The following CTNNA2 variants were observed in gnomAD, a reference collection of about 807,000 sequenced individuals.
The protein encoded by CTNNA2 is catenin alpha-2.
In CTNNA2, 42 loss-of-function variants were observed where a neutral mutation model predicts 101.0. That is an observed-to-expected ratio of 0.42 (90% confidence interval 0.32 to 0.54). The LOEUF (loss-of-function observed/expected upper bound fraction) is 0.54. Among genes scored for constraint, CTNNA2 ranks in the 20% least tolerant of loss-of-function variants. The pLI, the probability that CTNNA2 is intolerant of heterozygous loss-of-function variation, is 0.14. For synonymous variants in CTNNA2, 450 were observed against 456.4 expected, an observed-to-expected ratio of 0.99 and a Z score of 0.18; for missense variants, 871 against 1,223.1, an observed-to-expected ratio of 0.71 and a Z score of 4.29.
chr2:80,413,270 A>G (rs1679752535), intron 8 of CTNNA2, among the ~76,000 whole-genome samples: 1 of 152,196 alleles, frequency 6.6e-6, no homozygotes, highest in Admixed American at 6.5e-5. Flanking sequence ...ATGGGTAGGG[A>G]AAAGCACAGG....
intron 2 of CTNNA2, among the ~76,000 whole-genome samples, chr2:79,257,509 A>C (rs1674863535): frequency 6.6e-6 from 1 of 152,044 alleles, no homozygotes; most frequent in African/African-American, 2.4e-5. Flanking sequence ...AAAAAAAAAA[A>C]AAACTTCATA....
intron 7 of CTNNA2, among the ~76,000 whole-genome samples, chr2:79,954,882 A>G (rs962360959): frequency 3.9e-5 from 6 of 152,210 alleles, no homozygotes; most frequent in African/African-American, 1.4e-4. Context: ...TACTTGTGAT[A>G]TATTTTACCT....
intron 12 of CTNNA2, among the ~76,000 whole-genome samples, chr2:80,558,893 G>T (rs931149330): frequency 1.3e-5 from 2 of 152,120 alleles, no homozygotes; most frequent in Non-Finnish European, 2.9e-5. Flanking sequence ...TTAGATTCAA[G>T]ACCTTGAGTC....
At chr2:80,645,884 A>G (rs1674026718) in intron 18 of CTNNA2, among the ~76,000 whole-genome samples, 1 of 152,192 alleles carries the variant, frequency 6.6e-6, no homozygotes, top group South Asian at 2.1e-4. Flanking sequence ...TTCACAAAGC[A>G]ATTATATAAA....
chr2:80,421,919 A>G (rs765451239), intron 9 of CTNNA2, among the ~76,000 whole-genome samples: 24 of 152,214 alleles, frequency 1.6e-4, no homozygotes, highest in Non-Finnish European at 3.5e-4. Context: ...TGTAATATGA[A>G]AAAGTCGGTT....
At chr2:80,622,161 T>C (rs1300043681) in intron 18 of CTNNA2, among the ~76,000 whole-genome samples, 2 of 151,920 alleles carry the variant, frequency 1.3e-5, no homozygotes, top group East Asian at 1.9e-4. Context: ...CTAGAGGAGA[T>C]ACATGTCTTT....
At chr2:79,247,853 T>C (rs1326846054) in intron 2 of CTNNA2, among the ~76,000 whole-genome samples, 1 of 152,190 alleles carries the variant, frequency 6.6e-6, no homozygotes, top group African/African-American at 2.4e-5. Flanking sequence ...AGCAAAGGAA[T>C]GCAGTTCTAG....
chr2:79,857,728 T>A (rs1681250128), intron 3 of CTNNA2, among the ~76,000 whole-genome samples: 1 of 152,166 alleles, frequency 6.6e-6, no homozygotes, highest in Non-Finnish European at 1.5e-5. Flanking sequence ...GGCAAATCCA[T>A]CTCAACTATT....
At chr2:80,167,564 G>T (rs1704785056) in intron 7 of CTNNA2, among the ~76,000 whole-genome samples, 1 of 152,172 alleles carries the variant, frequency 6.6e-6, no homozygotes, top group African/African-American at 2.4e-5. Flanking sequence ...TATGGAATTT[G>T]TTTCCCTCAT....
chr2:80,256,661 G>A (rs138503530), intron 7 of CTNNA2, among the ~76,000 whole-genome samples: 2 of 152,248 alleles, frequency 1.3e-5, no homozygotes, highest in African/African-American at 4.8e-5. Flanking sequence ...AACAACTTCA[G>A]TAAAGCAGAA....
intron 7 of CTNNA2, among the ~76,000 whole-genome samples, chr2:80,141,092 T>C (rs1006861340): frequency 6.6e-6 from 1 of 152,198 alleles, no homozygotes; most frequent in Admixed American, 6.6e-5. Context: ...TGTTTTAGAA[T>C]GTAGAATACC....
At chr2:79,381,278 C>A (rs1678036471) in intron 4 of CTNNA2, among the ~76,000 whole-genome samples, 1 of 152,126 alleles carries the variant, frequency 6.6e-6, no homozygotes. Flanking sequence ...TACCCCAAAA[C>A]TCACGTAAAT....
chr2:79,365,177 T>C (rs1457071267), intron 3 of CTNNA2, among the ~76,000 whole-genome samples: 2 of 152,150 alleles, frequency 1.3e-5, no homozygotes, highest in Non-Finnish European at 2.9e-5. Flanking sequence ...CTCAGGAGAC[T>C]GAGGCAGGAG....
chr2:79,506,248 T>G (rs1158037040), intron 5 of CTNNA2, among the ~76,000 whole-genome samples: 1 of 152,038 alleles, frequency 6.6e-6, no homozygotes, highest in South Asian at 2.1e-4. Context: ...CTTTGTTCGA[T>G]GGAACATATA....
intron 2 of CTNNA2, among the ~76,000 whole-genome samples, chr2:79,277,946 C>G (rs1188887555): frequency 6.6e-6 from 1 of 152,138 alleles, no homozygotes; most frequent in Non-Finnish European, 1.5e-5. Flanking sequence ...CTAAGATGGT[C>G]TGCTCTGGGC....
chr2:79,778,304 C>G (rs926797528), intron 3 of CTNNA2, among the ~76,000 whole-genome samples: 17 of 151,734 alleles, frequency 1.1e-4, no homozygotes, highest in Admixed American at 4.6e-4. Flanking sequence ...GAGATCGCAT[C>G]ACTGCACTCC....
At chr2:80,572,028 A>G (rs1694645971) in intron 12 of CTNNA2, among the ~76,000 whole-genome samples, 1 of 152,142 alleles carries the variant, frequency 6.6e-6, no homozygotes, top group Non-Finnish European at 1.5e-5. Flanking sequence ...TATTTGGCCA[A>G]GCCCCTAGAG....
chr2:80,391,959 G>T (rs951610454), intron 7 of CTNNA2, among the ~76,000 whole-genome samples: 1 of 152,248 alleles, frequency 6.6e-6, no homozygotes, highest in East Asian at 1.9e-4. Flanking sequence ...CCTTGGTTTG[G>T]GCTTTTTAAT....
chr2:79,751,534 T>C (rs1672035470), intron 3 of CTNNA2, among the ~76,000 whole-genome samples: 2 of 140,578 alleles, frequency 1.4e-5, no homozygotes. Context: ...AGGCGGAGGT[T>C]GCAGTGAGGC....
Sources: allele counts gnomAD v4.1 joint callset (sites outside exome capture counted in the v4.1 genomes callset), GRCh38; gene constraint gnomAD v4.1.1; transcripts MANE v1.5; gene names NCBI Gene and HGNC (gene_info 2026-07-23, HGNC 2026-07-21).